Variants in CCDC47 observed in about 807,000 individuals in gnomAD.
CCDC47 encodes PAT complex subunit CCDC47.
Under a neutral mutation model 60.5 loss-of-function variants are expected in CCDC47, and 41 were observed. That is an observed-to-expected ratio of 0.68 (90% confidence interval 0.53 to 0.88). The LOEUF (loss-of-function observed/expected upper bound fraction) is 0.88. Among genes scored for constraint, CCDC47 ranks in the 40% least tolerant of loss-of-function variants. The probability of loss-of-function intolerance (pLI) is 0.00; values close to 1 mark genes in which losing one functional copy is unlikely to be tolerated. For missense variants in CCDC47, 513 were observed against 580.9 expected, an observed-to-expected ratio of 0.88 and a Z score of 1.20; for synonymous variants, 195 against 190.7, an observed-to-expected ratio of 1.02 and a Z score of -0.18.
chr17:63,752,499 T>C, intron 10 of CCDC47, 70 bp from the exon 11 acceptor site: 3 of 1,063,728 alleles, frequency 2.8e-6, no homozygotes, highest in African/African-American at 1.6e-5. Context: ...CCCAACTCTT[T>C]TTTTTTTTTA....
At chr17:63,768,177 T>C (rs1288841626) in intron 1 of CCDC47, among the ~76,000 whole-genome samples, 3 of 152,226 alleles carry the variant, frequency 2.0e-5, no homozygotes, top group Non-Finnish European at 4.4e-5. Context: ...TTCACTGCTT[T>C]TCACAATGAT....
intron 8 of CCDC47, 62 bp from the exon 9 acceptor site, chr17:63,754,580 A>G: frequency 1.9e-6 from 2 of 1,080,452 alleles, no homozygotes; most frequent in South Asian, 1.4e-5. Flanking sequence ...TTTTTTTCCT[A>G]AAGATATTCA....
In CCDC47 at chr17:63,752,910, T is replaced by C; in HGVS notation, c.1035-111A>G. 7.7e-6 allele frequency: 11 copies of C among 1,430,852 alleles called. No individual in the cohort carries two copies. The South Asian group carries it at 1.3e-4, about 17-fold the overall frequency. 88.6% of individuals were successfully genotyped at this position (1,430,852 alleles called of 1,614,324 possible). A position where few individuals can be genotyped will look rare whatever the true frequency, so the allele number is the denominator to read the frequency against. Reference sequence around the variant, plus strand: ...AGATACCTGCACATAATCAGCACAGTATTTGGCTTGGCATACCCAAGTCAA... The same window carrying C: ...AGATACCTGCACATAATCAGCACAGCATTTGGCTTGGCATACCCAAGTCAA... On this transcript the variant is annotated intron_variant, in intron 9 of 12. Transcript: ENST00000225726.
At chr17:63,751,824 CA>C (rs2039167891) in intron 12 of CCDC47, 115 bp downstream of exon 12, 1 of 1,137,278 alleles carries the variant, frequency 8.8e-7, no homozygotes, top group East Asian at 2.3e-5. Context: ...TACAATGTCC[CA>C]AATGTTGAGA....
intron 7 of CCDC47, 58 bp from the exon 8 acceptor site, chr17:63,756,408 A>G: frequency 1.9e-6 from 3 of 1,575,304 alleles, no homozygotes; most frequent in South Asian, 1.1e-5. Flanking sequence ...ATGAAGCTGA[A>G]TATGTGTGTG....
At chr17:63,761,878 A>G (rs891885863) in intron 4 of CCDC47, 10 of 832,150 alleles carry the variant, frequency 1.2e-5, no homozygotes, top group Non-Finnish European at 1.4e-5. Context: ...AGAAATATGG[A>G]TTCTAAGCAC....
chr17:63,750,003 C>T (rs1317267522), intron 12 of CCDC47, among the ~76,000 whole-genome samples: 1 of 152,020 alleles, frequency 6.6e-6, no homozygotes, highest in East Asian at 1.9e-4. Flanking sequence ...GCTTTCATAT[C>T]ATATACTGGT....
intron 12 of CCDC47, among the ~76,000 whole-genome samples, chr17:63,750,739 C>G (rs969840862): frequency 6.6e-6 from 1 of 152,014 alleles, no homozygotes; most frequent in African/African-American, 2.4e-5. Context: ...CACGCGCCAC[C>G]ACGCCCAGCT....
chr17:63,768,890 C>T (rs2039315531), intron 1 of CCDC47, among the ~76,000 whole-genome samples: 1 of 151,890 alleles, frequency 6.6e-6, no homozygotes, highest in African/African-American at 2.4e-5. Flanking sequence ...TTGAGACCAG[C>T]CTGGCCAACA....
At chr17:63,759,662 C>T (rs114297369) in intron 6 of CCDC47, among the ~76,000 whole-genome samples, 1,679 of 147,794 alleles carry the variant, frequency 0.011, 28 homozygotes, top group African/African-American at 0.04. Context: ...TACTATTTCA[C>T]ACTTTCACAT....
At chr17:63,767,059 T>A (rs1033776149) in intron 1 of CCDC47, 2 of 346,876 alleles carry the variant, frequency 5.8e-6, no homozygotes, top group African/African-American at 4.4e-5. Flanking sequence ...TAAGGAAAGC[T>A]GCAACATTAA....
At chr17:63,748,089 A>G (rs896073297) in intron 12 of CCDC47, among the ~76,000 whole-genome samples, 1 of 151,852 alleles carries the variant, frequency 6.6e-6, no homozygotes, top group Non-Finnish European at 1.5e-5. Context: ...TCCTGACCTC[A>G]GGCAATTCAC....
chr17:63,747,928 C>T, intron 12 of CCDC47: 1 of 283,130 alleles, frequency 3.5e-6, no homozygotes, highest in Non-Finnish European at 5.3e-6. Context: ...AATCTCGGGT[C>T]ATTGTAGCCT....
At chr17:63,748,848 T>C (rs2039139975) in intron 12 of CCDC47, among the ~76,000 whole-genome samples, 1 of 151,784 alleles carries the variant, frequency 6.6e-6, no homozygotes, top group Middle Eastern at 3.4e-3. Flanking sequence ...ACCTCATCTC[T>C]ACTAAAAATA....
intron 4 of CCDC47, among the ~76,000 whole-genome samples, chr17:63,763,367 A>C (rs2039274420): frequency 6.6e-6 from 1 of 152,110 alleles, no homozygotes; most frequent in Non-Finnish European, 1.5e-5. Flanking sequence ...TACAAAAAAA[A>C]TACAAAAATT....
At chr17:63,759,557 ATATATATATATATATATAT>A in intron 6 of CCDC47, among the ~76,000 whole-genome samples, 1 of 88,440 alleles carries the variant, frequency 1.1e-5, no homozygotes, top group Non-Finnish European at 2.2e-5. Flanking sequence ...ATATATATAT[ATATATATATATATATATAT>A]AAAACAATGA....
At position 63,754,510 on chromosome 17, in the gene CCDC47, G is replaced by C; in HGVS notation, c.957C>G (p.His319Gln). ...TDGMMDTKMV[H>Q]FLTHYADKIE... The stretch of plus-strand genomic sequence containing the variant: ...TCTTGTCAGCATAGTGTGTAAGAAA[G>C]TGAACCATCTGAAAAAAAGAAAATA... Residue 319 changes from histidine (H) to glutamine (Q), a missense_variant, in exon 9 of 13, where the codon CAC becomes CAG. Physicochemically the swap from His to Gln is conservative, Grantham distance 24. Transcript: ENST00000225726. The C allele has an allele frequency of 6.3e-7, 1 of 1,599,298 alleles. No homozygotes were observed. Among genetic ancestry groups the C allele is most frequent in the South Asian group, 1.1e-5 (1 of 88,926 alleles).
chr17:63,756,232 G>T lies in CCDC47; in HGVS notation c.948+8C>A. On this transcript the variant is annotated splice_region_variant and intron_variant, in intron 8 of 12. Coordinates refer to ENST00000225726, the MANE Select transcript of CCDC47 (RefSeq NM_020198.3). Reference sequence around the variant, plus strand: ...GCCTGGCAAATGTATGTCTTCTGTCGCATTTACCTTTGTATCCATCATTCC... The same window carrying T: ...GCCTGGCAAATGTATGTCTTCTGTCTCATTTACCTTTGTATCCATCATTCC... 6.3e-7 allele frequency: 1 copy of T among 1,589,512 alleles called. No individual in the cohort carries two copies. The highest frequency in any genetic ancestry group is 8.6e-7 in the Non-Finnish European group (1 of 1,157,628).
intron 8 of CCDC47, chr17:63,755,424 A>G: frequency 4.8e-6 from 1 of 210,066 alleles, no homozygotes; most frequent in Non-Finnish European, 8.2e-6. Flanking sequence ...ATTCCAGACC[A>G]GCCTGGCCAA....
Sources: allele counts gnomAD v4.1 joint callset (sites outside exome capture counted in the v4.1 genomes callset), GRCh38; gene constraint gnomAD v4.1.1; transcripts MANE v1.5; gene names NCBI Gene and HGNC (gene_info 2026-07-23, HGNC 2026-07-21).